Variants in CELSR1 observed in about 807,000 individuals in gnomAD.
CELSR1 encodes cadherin EGF LAG seven-pass G-type receptor 1.
CELSR1 carries 110 observed loss-of-function variants against 249.1 expected under a neutral mutation model. That is an observed-to-expected ratio of 0.44 (90% CI 0.38 to 0.52). The LOEUF (loss-of-function observed/expected upper bound fraction) is 0.52, where lower values mean the gene tolerates loss of function less well. CELSR1 is among the 20% of genes least tolerant of loss of function. CELSR1 has a pLI of 0.00. For synonymous variants in CELSR1, 2,113 were observed against 1,900.0 expected (o/e 1.11, Z -2.92); for missense variants, 4,109 against 4,296.4 (o/e 0.96, Z 1.22).
At chr22:46,376,601 C>T (rs950567171) in intron 24 of CELSR1, among the ~76,000 whole-genome samples, 4 of 152,162 alleles carry the variant, frequency 2.6e-5, no homozygotes, top group Admixed American at 6.5e-5. Context: ...TCTTCCTGAC[C>T]TCAAGTGATC....
chr22:46,391,604 C>A lies in CELSR1; in HGVS notation c.6148+29G>T. On this transcript the variant is annotated intron_variant, in intron 15 of 34. Transcript: ENST00000674500. The surrounding 1 kb of genome is among the most constrained non-coding windows in gnomAD (Gnocchi z 4.3). ...GCAGCAGCCTGTCCCCGCGCTGTAA[C>A]CTGCAGGGTGTCGAGGGGCAACGCG... 1.3e-6 allele frequency: 2 copies of A among 1,562,538 alleles called. No individual in the cohort carries two copies. The highest frequency in any genetic ancestry group is 8.6e-7 in the Non-Finnish European group (1 of 1,161,278).
At position 46,372,943 on chromosome 22, in the gene CELSR1, C is replaced by A; in HGVS notation, c.7699G>T (p.Asp2567Tyr). Residue 2567 changes from aspartate (D) to tyrosine (Y), a missense_variant, in exon 25 of 35, where the codon GAC (aspartate) becomes TAC (tyrosine). Coordinates refer to ENST00000674500, the MANE Select transcript of CELSR1 (RefSeq NM_001378328.1). ...YRMLTEVRNI[D>Y]TGPMRFYYVV... The stretch of plus-strand genomic sequence containing the variant: ...TAGTAGAACCGCATGGGCCCCGTGT[C>A]GATGTTGCGCACCTCGGTCAGCATG... 1 of 1,613,278 alleles carries A rather than the reference C, an allele frequency of 6.2e-7. No homozygotes were observed. Among genetic ancestry groups the A allele is most frequent in the Non-Finnish European group, 8.5e-7 (1 of 1,179,840 alleles).
chr22:46,420,685 C>T (rs1430757723), intron 5 of CELSR1, among the ~76,000 whole-genome samples: 2 of 152,188 alleles, frequency 1.3e-5, no homozygotes, highest in Non-Finnish European at 2.9e-5. Flanking sequence ...ATGGCCTGCT[C>T]CTGTAAAGAC....
At position 46,411,474 on chromosome 22, in the gene CELSR1, T is replaced by C. The variant is rs1023202887; in HGVS notation, c.4769+128A>G. 7 of 1,040,006 alleles carry C rather than the reference T, an allele frequency of 6.7e-6. No individual in the cohort carries two copies. The African/African-American group carries it at 9.6e-5, about 14-fold the overall frequency. The allele number at this position is 1,040,006 out of a possible 1,614,324, so 64.4% of individuals were successfully genotyped here. A position where few individuals can be genotyped will look rare whatever the true frequency, so the allele number is the denominator to read the frequency against. On this transcript the variant is annotated intron_variant, in intron 6 of 34. Coordinates refer to ENST00000674500, the MANE Select transcript of CELSR1 (RefSeq NM_001378328.1). This position sits in a 1 kb window ranked among gnomAD's most constrained non-coding sequence, Gnocchi z 4.2. ...CAACCATGGACAGGATGTCTGACTC[T>C]AGCCTGGAATGAGGTCGCCAGGGCA...
intron 1 of CELSR1, among the ~76,000 whole-genome samples, chr22:46,528,980 C>A (rs1008809124): frequency 6.8e-6 from 1 of 146,956 alleles, no homozygotes; most frequent in African/African-American, 2.5e-5. Context: ...AGAATGAGAT[C>A]CTGGGCCGGG....
chr22:46,495,217 C>G (rs1249560876), intron 1 of CELSR1, among the ~76,000 whole-genome samples: 1 of 152,210 alleles, frequency 6.6e-6, no homozygotes, highest in Non-Finnish European at 1.5e-5. Context: ...TGCTACACAC[C>G]TAGGCTGTGG....
intron 5 of CELSR1, among the ~76,000 whole-genome samples, chr22:46,418,032 G>A (rs2079423306): frequency 6.6e-6 from 1 of 152,260 alleles, no homozygotes; most frequent in Non-Finnish European, 1.5e-5. Flanking sequence ...GGTAAAAATA[G>A]CATCTTCCTC....
intron 2 of CELSR1, among the ~76,000 whole-genome samples, chr22:46,444,143 C>A (rs955989226): frequency 2.0e-5 from 3 of 152,356 alleles, no homozygotes; most frequent in African/African-American, 7.2e-5. Flanking sequence ...CTCCACGTAG[C>A]TTCCCGGTCC....
chr22:46,534,540 G>A lies in CELSR1; in HGVS notation c.2631C>T (p.Thr877=). The A allele has an allele frequency of 2.5e-6, 4 of 1,613,658 alleles. No individual in the cohort carries two copies. The highest frequency in any genetic ancestry group is 8.5e-7 in the Non-Finnish European group (1 of 1,180,028). The change falls in exon 1 of 35, where the codon ACC becomes ACT. Residue 877 remains threonine (T), a synonymous_variant. Transcript: ENST00000674500. The surrounding 1 kb of genome is among the most constrained non-coding windows in gnomAD (Gnocchi z 9.7). ...NGIPQKSDTT[T]LEILILDAND... The stretch of plus-strand genomic sequence containing the variant: ...TGGCATCGAGGATGAGGATCTCTAG[G>A]GTGGTGGTGTCTGATTTCTGCGGGA...
intron 5 of CELSR1, among the ~76,000 whole-genome samples, chr22:46,431,829 C>CCT (rs934931437): frequency 1.3e-5 from 2 of 152,168 alleles, no homozygotes; most frequent in African/African-American, 2.4e-5. Flanking sequence ...TGAGGGCTAC[C>CCT]CTCTTCCTCT....
chr22:46,482,526 T>C (rs1016122283), intron 1 of CELSR1, among the ~76,000 whole-genome samples: 8 of 151,824 alleles, frequency 5.3e-5, no homozygotes, highest in African/African-American at 1.9e-4. Context: ...CCAAAGCACA[T>C]AGAGGTTAAG....
intron 2 of CELSR1, among the ~76,000 whole-genome samples, chr22:46,444,169 G>A (rs188934991): frequency 9.7e-4 from 148 of 152,320 alleles, no homozygotes; most frequent in African/African-American, 3.5e-3. Context: ...GCTCCGGGTC[G>A]GAACTCACTC....
chr22:46,534,512 C>T lies in CELSR1; in HGVS notation c.2659G>A (p.Asp887Asn). 6.2e-7 allele frequency: 1 copy of T among 1,613,440 alleles called. No individual in the cohort carries two copies. The highest frequency in any genetic ancestry group is 8.5e-7 in the Non-Finnish European group (1 of 1,180,034). The change falls in exon 1 of 35, where the codon GAC (aspartate) becomes AAC (asparagine). Residue 887 changes from aspartate to asparagine, a missense_variant. By Grantham distance (23) the Asp-to-Asn change is conservative (BLOSUM62 1). Around this residue, in one of 7 missense-constraint regions of CELSR1, gnomAD observed 886 missense variants for 896.5 expected, o/e 0.99. Coordinates refer to ENST00000674500, the MANE Select transcript of CELSR1 (RefSeq NM_001378328.1). The surrounding 1 kb of genome is among the most constrained non-coding windows in gnomAD (Gnocchi z 9.7). The stretch of plus-strand genomic sequence containing the variant: ...TCCCACAGGAACTGGGGTGCATTGT[C>T]ATTGGCATCGAGGATGAGGATCTCT... ...TLEILILDAN[D>N]NAPQFLWDFY...
intron 5 of CELSR1, among the ~76,000 whole-genome samples, chr22:46,416,791 C>G (rs2079407708): frequency 6.6e-6 from 1 of 152,176 alleles, no homozygotes; most frequent in Non-Finnish European, 1.5e-5. Flanking sequence ...GCAGGCCCTC[C>G]TCCTTGGCTT....
intron 1 of CELSR1, among the ~76,000 whole-genome samples, chr22:46,507,235 G>A (rs1353398651): frequency 3.3e-5 from 5 of 152,080 alleles, no homozygotes; most frequent in Non-Finnish European, 5.9e-5. Flanking sequence ...GAGCCACCGG[G>A]GCAGCAACCC....
At chr22:46,505,474 C>T (rs1185364580) in intron 1 of CELSR1, among the ~76,000 whole-genome samples, 1 of 151,148 alleles carries the variant, frequency 6.6e-6, no homozygotes, top group Non-Finnish European at 1.5e-5. Context: ...TCTCTATAAA[C>T]AATACAAAAG....
intron 23 of CELSR1, 42 bp from the exon 24 acceptor site, chr22:46,377,303 C>A (rs375551628): frequency 6.3e-7 from 1 of 1,591,838 alleles, no homozygotes; most frequent in Admixed American, 1.7e-5. Context: ...AGGTAAGGGC[C>A]GAGGCTCAGA....
intron 5 of CELSR1, among the ~76,000 whole-genome samples, chr22:46,420,276 ACT>A (rs756747868): frequency 6.6e-6 from 1 of 150,466 alleles, no homozygotes; most frequent in South Asian, 2.1e-4. Flanking sequence ...ACACACGTGC[ACT>A]CATATATGCA....
rs113530495 is a variant in CELSR1 at position 46,417,200 on chromosome 22, G to C, written c.4612-5441C>G. Among the ~76,000 whole-genome samples, 3,680 of 152,306 alleles carry C rather than the reference G, an allele frequency of 0.024. 92 individuals are homozygous for C. Among genetic ancestry groups the C allele is most frequent in the Non-Finnish European group, 0.033 (2,265 of 68,004 alleles). On this transcript the variant is annotated intron_variant, in intron 5 of 34. Transcript: ENST00000674500. This position sits in a 1 kb window ranked among gnomAD's most constrained non-coding sequence, Gnocchi z 4.1. ...CCCCAGGAAATGTGGGCAAGACCCC[G>C]TGCCAGTTCTGGCATGGAGACGACA... is the stretch of plus-strand genomic sequence containing the variant.
Sources: gnomAD v4.1 joint callset for allele counts (sites outside exome capture counted in the v4.1 genomes callset) on GRCh38, gnomAD v4.1.1 for gene constraint, gnomAD v4.1.1 regional missense constraint, Gnocchi (gnomAD v3.1) non-coding constraint, MANE v1.5 for transcripts, NCBI Gene and HGNC (gene_info 2026-07-23, HGNC 2026-07-21) for gene names.